Variants in SHISAL2A observed in about 807,000 individuals in gnomAD.
SHISAL2A encodes the protein protein shisa-like-2A.
A neutral mutation model predicts 11.5 loss-of-function variants in SHISAL2A; 18 were observed. The ratio of observed to expected loss-of-function variants is 1.57; its 90% confidence interval spans 1.08 to 2.33. The LOEUF (loss-of-function observed/expected upper bound fraction) is 2.33. SHISAL2A is among the 30% of genes most tolerant of loss of function. The pLI is 0.00. For missense variants in SHISAL2A, 261 were observed against 250.9 expected (o/e 1.04, Z -0.27); for synonymous variants, 94 against 99.6 (o/e 0.94, Z 0.34).
chr1:52,659,638 G>A (rs1691866485), downstream of SHISAL2A: 1 of 152,542 alleles, frequency 6.6e-6, no homozygotes, highest in Non-Finnish European at 1.5e-5. Flanking sequence ...AATAGTGAGA[G>A]CGAGCCAGTG....
Position 52,642,969 on chromosome 1 carries a change from A to C in SHISAL2A, c.289A>C (p.Lys97Gln), listed in dbSNP as rs746739944. The change falls in exon 2 of 3, where the codon AAG becomes CAG. Residue 97 changes from lysine to glutamine, a missense_variant. Lys to Gln is a moderately conservative substitution (Grantham distance 53). Coordinates refer to ENST00000517870, the MANE Select transcript of SHISAL2A (RefSeq NM_001042693.3). ...YLFISSKPHT[K>Q]LDLGLSLQTA... ...GTTCATCAGCTCTAAGCCCCACACAAAGTTGGACCTGGGCTTGAGCTTACA... is the reference window on the plus strand; with the variant it reads ...GTTCATCAGCTCTAAGCCCCACACACAGTTGGACCTGGGCTTGAGCTTACA... The C allele has an allele frequency of 5.0e-6, 8 of 1,614,024 alleles. No individual in the cohort carries two copies. The highest frequency in any genetic ancestry group is 5.9e-6 in the Non-Finnish European group (7 of 1,180,028).
At chr1:52,659,152 A>G (rs1418752894), downstream of SHISAL2A, among the ~76,000 whole-genome samples, 1 of 152,060 alleles carries the variant, frequency 6.6e-6, no homozygotes, top group African/African-American at 2.4e-5. Context: ...TGCAACCTCA[A>G]ACTCCTGACA....
chr1:52,634,159 C>T (rs1170669538), intron 1 of SHISAL2A, among the ~76,000 whole-genome samples: 1 of 152,168 alleles, frequency 6.6e-6, no homozygotes, highest in African/African-American at 2.4e-5. Context: ...CCAACCTCCT[C>T]TTCTGTCCTG....
At chr1:52,642,359 A>G (rs1691385112) in intron 1 of SHISAL2A, among the ~76,000 whole-genome samples, 1 of 152,112 alleles carries the variant, frequency 6.6e-6, no homozygotes. Flanking sequence ...ATGCTGAAGC[A>G]TAGAAAGCTT....
At chr1:52,654,224 T>TATAGATAG (rs55929422) in intron 2 of SHISAL2A, among the ~76,000 whole-genome samples, 39,730 of 147,532 alleles carry the variant, frequency 0.27, 5,459 homozygotes, top group East Asian at 0.35. Context: ...ATGGCAGTTT[T>TATAGATAG]ATAGATAGAT....
chr1:52,660,784 G>C (rs1009928757), downstream of SHISAL2A, among the ~76,000 whole-genome samples: 2 of 152,120 alleles, frequency 1.3e-5, no homozygotes, highest in Non-Finnish European at 2.9e-5. Flanking sequence ...ACATTTGTTT[G>C]TCCATTCAAC....
chr1:52,661,384 G>A (rs1389184347), downstream of SHISAL2A, among the ~76,000 whole-genome samples: 10 of 152,214 alleles, frequency 6.6e-5, no homozygotes, highest in Admixed American at 6.5e-4. Context: ...GTATCCACAA[G>A]AAATGACTTG....
intron 5 of SHISAL2A, chr1:52,667,782 A>G (rs1388921804): frequency 6.6e-6 from 1 of 152,218 alleles, no homozygotes; most frequent in Non-Finnish European, 1.5e-5. Flanking sequence ...TGGACCATCA[A>G]GGCAGGGAGA....
intron 4 of SHISAL2A, among the ~76,000 whole-genome samples, chr1:52,663,479 G>T (rs906298102): frequency 1.3e-5 from 2 of 152,192 alleles, no homozygotes; most frequent in African/African-American, 4.8e-5. Context: ...CAGAACATGT[G>T]GCCGGGCGCG....
intron 4 of SHISAL2A, among the ~76,000 whole-genome samples, chr1:52,666,690 T>C (rs2149897771): frequency 6.6e-6 from 1 of 152,228 alleles, no homozygotes; most frequent in Non-Finnish European, 1.5e-5. Context: ...TTCTCAGTTG[T>C]AAACAAATTC....
chr1:52,650,633 T>C (rs1391694880), intron 2 of SHISAL2A, among the ~76,000 whole-genome samples: 1 of 145,652 alleles, frequency 6.9e-6, no homozygotes, highest in Non-Finnish European at 1.5e-5. Flanking sequence ...ATTTTCTTTT[T>C]TTTAAAACCC....
intron 1 of SHISAL2A, among the ~76,000 whole-genome samples, chr1:52,640,901 G>A (rs1691350049): frequency 6.6e-6 from 1 of 152,128 alleles, no homozygotes; most frequent in East Asian, 1.9e-4. Context: ...GGAACTTACA[G>A]CCCCACCTCA....
chr1:52,662,045 AT>A (rs1348056475), downstream of SHISAL2A, among the ~76,000 whole-genome samples: 3 of 151,836 alleles, frequency 2.0e-5, no homozygotes, highest in African/African-American at 2.4e-5. Context: ...AAAAAAAAAA[AT>A]AATAATAATC....
chr1:52,657,434 C>T (rs1407871768), downstream of SHISAL2A, among the ~76,000 whole-genome samples: 1 of 152,160 alleles, frequency 6.6e-6, no homozygotes, highest in Non-Finnish European at 1.5e-5. Context: ...AGCTCTGCCT[C>T]ACCCTGGAGT....
At chr1:52,663,934 G>C (rs1691956873) in intron 4 of SHISAL2A, among the ~76,000 whole-genome samples, 1 of 152,134 alleles carries the variant, frequency 6.6e-6, no homozygotes, top group South Asian at 2.1e-4. Context: ...AGCTATCGCA[G>C]AATGTACCAA....
At chr1:52,642,417 A>T (rs1691386172) in intron 1 of SHISAL2A, among the ~76,000 whole-genome samples, 1 of 140,534 alleles carries the variant, frequency 7.1e-6, no homozygotes, top group Non-Finnish European at 1.5e-5. Context: ...GATTCCTACA[A>T]CACAACACTA....
chr1:52,633,280 C>T lies in SHISAL2A; in HGVS notation c.-214C>T. 1 of 430,454 alleles carries T rather than the reference C, an allele frequency of 2.3e-6. No homozygotes were observed. Among genetic ancestry groups the T allele is most frequent in the South Asian group, 5.5e-5 (1 of 18,232 alleles). The allele number at this position is 430,454 out of a possible 1,614,324, so 26.7% of individuals were successfully genotyped here. A position where few individuals can be genotyped will look rare whatever the true frequency, so the allele number is the denominator to read the frequency against. ...CGGCCCCCGCCGCCCGCCCCGCCTG[C>T]CCCTACCCCTCCGCGCGGGCCGGGC... On this transcript the variant is annotated 5_prime_UTR_variant, in exon 1 of 3. Coordinates refer to ENST00000517870, the MANE Select transcript of SHISAL2A (RefSeq NM_001042693.3). This position sits in a 1 kb window ranked among gnomAD's most constrained non-coding sequence, Gnocchi z 6.4.
chr1:52,663,531 C>T (rs1466225159), intron 4 of SHISAL2A, among the ~76,000 whole-genome samples: 3 of 152,192 alleles, frequency 2.0e-5, no homozygotes, highest in East Asian at 1.9e-4. Flanking sequence ...GAGGCCAAGA[C>T]GGGTGGATCA....
At position 52,644,772 on chromosome 1, in the gene SHISAL2A, C is replaced by T. The variant is rs1458499954; in HGVS notation, c.322+1770C>T. 2.0e-5 allele frequency among the ~76,000 whole-genome samples: 3 copies of T among 151,730 alleles called. No individual in the cohort carries two copies. The South Asian group carries it at 6.2e-4, about 31-fold the overall frequency. On this transcript the variant is annotated intron_variant, in intron 2 of 2. Transcript: ENST00000517870. ...GTGGCTCATGCCTGTAATCCCAGCA[C>T]TTTGGGAGGCCAGGGCGGGCGGATC... is the stretch of plus-strand genomic sequence containing the variant.
Sources: allele counts gnomAD v4.1 joint callset (sites outside exome capture counted in the v4.1 genomes callset), GRCh38; gene constraint gnomAD v4.1.1; non-coding constraint Gnocchi (gnomAD v3.1); transcripts MANE v1.5; gene names NCBI Gene and HGNC (gene_info 2026-07-23, HGNC 2026-07-21).